STK33: variants seen among roughly 807,000 people sequenced by gnomAD.
STK33 encodes the protein serine/threonine kinase 33, also known as serine/threonine-protein kinase 33.
A neutral mutation model predicts 58.0 loss-of-function variants in STK33; 52 were observed. The observed-to-expected ratio is 0.90, with a 90% CI of 0.72 to 1.13. The LOEUF (loss-of-function observed/expected upper bound fraction) is 1.13. Among genes scored for constraint, STK33 ranks in the 50% most tolerant of loss-of-function variants. The pLI, the probability that STK33 is intolerant of heterozygous loss-of-function variation, is 0.00. For synonymous variants in STK33, 215 were observed against 200.1 expected, an observed-to-expected ratio of 1.07 and a Z score of -0.63; for missense variants, 630 against 604.2, an observed-to-expected ratio of 1.04 and a Z score of -0.45.
the STK33 span, among the ~76,000 whole-genome samples, chr11:8,341,046 C>T: frequency 4.6e-5 from 7 of 152,114 alleles, no homozygotes; most frequent in South Asian, 2.1e-4. Flanking sequence ...TTAGTAGAGA[C>T]GGGGTTTCAT....
intron 14 of STK33, among the ~76,000 whole-genome samples, chr11:8,429,676 C>T (rs917475178): frequency 6.6e-6 from 1 of 152,032 alleles, no homozygotes; most frequent in Admixed American, 6.6e-5. Flanking sequence ...TACTGAAGTT[C>T]CGTCTGTCCT....
At chr11:8,584,743 T>G (rs1016060197) in intron 1 of STK33, among the ~76,000 whole-genome samples, 4 of 152,110 alleles carry the variant, frequency 2.6e-5, no homozygotes, top group African/African-American at 4.8e-5. Flanking sequence ...AAACAGGAGA[T>G]AGACCCTTTC....
At chr11:8,548,561 T>C (rs1311692885) in intron 1 of STK33, among the ~76,000 whole-genome samples, 4 of 152,240 alleles carry the variant, frequency 2.6e-5, no homozygotes, top group African/African-American at 9.6e-5. Flanking sequence ...AACTGTGTTA[T>C]TTTTGCTCAC....
chr11:8,550,531 C>G (rs942238205), intron 1 of STK33, among the ~76,000 whole-genome samples: 2 of 152,150 alleles, frequency 1.3e-5, no homozygotes, highest in East Asian at 3.9e-4. Context: ...ATATCTTTAA[C>G]AGCACCCAAG....
chr11:8,450,138 A>G (rs1946094864), intron 11 of STK33, among the ~76,000 whole-genome samples: 1 of 152,236 alleles, frequency 6.6e-6, no homozygotes, highest in African/African-American at 2.4e-5. Context: ...TCCCAATAGC[A>G]AAGACTTGGA....
the STK33 span, among the ~76,000 whole-genome samples, chr11:8,369,739 C>A: frequency 6.6e-6 from 1 of 152,166 alleles, no homozygotes; most frequent in Non-Finnish European, 1.5e-5. Context: ...ACTCTCACTG[C>A]TTGCAAATTC....
chr11:8,547,805 A>G (rs987402802), intron 1 of STK33, among the ~76,000 whole-genome samples: 3 of 151,364 alleles, frequency 2.0e-5, no homozygotes, highest in African/African-American at 7.3e-5. Flanking sequence ...CCAGACCCAC[A>G]TATACACTAT....
In STK33 at chr11:8,557,247, T is replaced by TTGCCACCGTAGGCAACAGAG. The variant is rs1401227220; in HGVS notation, c.-466+36835_-466+36836insCTCTGTTGCCTACGGTGGCA. ...CCGTAGGCAACAGAGGGGGACCTTG[T>TTGCCACCGTAGGCAACAGAG]GGGGAAGGGAAGGGGAGGGGAGGGG... On this transcript the variant is annotated intron_variant, in intron 1 of 15. Coordinates refer to ENST00000687296, the MANE Select transcript of STK33 (RefSeq NM_001352389.2). 5.6e-3 allele frequency among the ~76,000 whole-genome samples: 21 copies of TTGCCACCGTAGGCAACAGAG among 3,768 alleles called. 5 individuals are homozygous for TTGCCACCGTAGGCAACAGAG. The highest frequency in any genetic ancestry group is 8.3e-3 in the Non-Finnish European group (19 of 2,276). The allele number at this position is 3,768 out of a possible 152,430, so 2.5% of individuals were successfully genotyped here.
intron 1 of STK33, among the ~76,000 whole-genome samples, chr11:8,559,006 T>G (rs1175133399): frequency 3.3e-5 from 5 of 152,116 alleles, no homozygotes. Context: ...GACTCTCTAA[T>G]AGAAAACAGC....
At chr11:8,546,381 G>A (rs1187507195) in intron 1 of STK33, among the ~76,000 whole-genome samples, 1 of 152,126 alleles carries the variant, frequency 6.6e-6, no homozygotes, top group East Asian at 1.9e-4. Flanking sequence ...AATGTGTAAT[G>A]ATCAAATCAG....
At chr11:8,424,382 C>G (rs955615200) in intron 14 of STK33, among the ~76,000 whole-genome samples, 1 of 149,714 alleles carries the variant, frequency 6.7e-6, no homozygotes, top group Non-Finnish European at 1.5e-5. Flanking sequence ...TTAATCCAGT[C>G]TATCATTGTT....
chr11:8,343,452 G>A, the STK33 span, among the ~76,000 whole-genome samples: 5 of 152,328 alleles, frequency 3.3e-5, no homozygotes, highest in South Asian at 6.2e-4. Context: ...GGCGGTGGCC[G>A]TGGCAGTGAA....
At chr11:8,573,420 A>T (rs1266605953) in intron 1 of STK33, among the ~76,000 whole-genome samples, 1 of 152,244 alleles carries the variant, frequency 6.6e-6, no homozygotes, top group African/African-American at 2.4e-5. Context: ...AATAAAAAAT[A>T]GTAGCAATAC....
chr11:8,470,627 G>A (rs1427978055), intron 6 of STK33, among the ~76,000 whole-genome samples: 4 of 152,034 alleles, frequency 2.6e-5, no homozygotes, highest in Admixed American at 6.6e-5. Context: ...AATCATTTCT[G>A]GCTTTCGATT....
Position 8,594,085 on chromosome 11 carries a change from C to G in STK33, c.-468G>C, listed in dbSNP as rs7934396. On this transcript the variant is annotated splice_region_variant and 5_prime_UTR_variant, in exon 1 of 16. Transcript: ENST00000687296. ...CAGTGACTCCAGGGACCACTCACCG[C>G]GGCCGGCGGACTGGCGGGTCTCCGA... The G allele has an allele frequency of 0.47, 71,356 of 152,204 alleles. 16,872 individuals are homozygous for G. The highest frequency in any genetic ancestry group is 0.5 in the Non-Finnish European group (34,179 of 68,000). The allele number at this position is 152,204 out of a possible 1,614,324, so 9.4% of individuals were successfully genotyped here. A position where few individuals can be genotyped will look rare whatever the true frequency, so the allele number is the denominator to read the frequency against.
chr11:8,559,725 AC>A, intron 1 of STK33, among the ~76,000 whole-genome samples: 1 of 152,194 alleles, frequency 6.6e-6, no homozygotes, highest in African/African-American at 2.4e-5. Context: ...TGTAATAAAA[AC>A]TGAAAGAGTC....
chr11:8,564,656 T>C (rs1347182943), intron 1 of STK33, among the ~76,000 whole-genome samples: 1 of 152,156 alleles, frequency 6.6e-6, no homozygotes, highest in East Asian at 1.9e-4. Flanking sequence ...GGACCCTGGC[T>C]AAACCACAAA....
At chr11:8,441,020 GA>G (rs1398051057) in intron 11 of STK33, among the ~76,000 whole-genome samples, 1 of 152,102 alleles carries the variant, frequency 6.6e-6, no homozygotes, top group Non-Finnish European at 1.5e-5. Flanking sequence ...AAATTGTTAA[GA>G]AATGATTTTG....
At chr11:8,420,575 CACCT>C (rs1215432453) in intron 14 of STK33, among the ~76,000 whole-genome samples, 1 of 152,206 alleles carries the variant, frequency 6.6e-6, no homozygotes, top group Non-Finnish European at 1.5e-5. Flanking sequence ...TGCATCCATA[CACCT>C]AGTTTTCCTC....
Sources: allele counts gnomAD v4.1 joint callset (sites outside exome capture counted in the v4.1 genomes callset), GRCh38; gene constraint gnomAD v4.1.1; transcripts MANE v1.5; gene names NCBI Gene and HGNC (gene_info 2026-07-23, HGNC 2026-07-21).